TUSC3: variants seen among roughly 807,000 people sequenced by gnomAD.
The protein encoded by TUSC3 is tumor suppressor candidate 3, also known as dolichyl-diphosphooligosaccharide--protein glycosyltransferase subunit TUSC3.
A neutral mutation model predicts 44.8 loss-of-function variants in TUSC3; 45 were observed. The observed-to-expected ratio is 1.00, with a 90% confidence interval of 0.79 to 1.29. The LOEUF is 1.29. TUSC3 is among the 50% of genes most tolerant of loss of function. The pLI is 0.00. For synonymous variants in TUSC3, 212 were observed against 152.9 expected (o/e 1.39, Z -2.85); for missense variants, 519 against 437.9 (o/e 1.19, Z -1.65).
chr8:15,601,539 C>A (rs1465806426), intron 1 of TUSC3, among the ~76,000 whole-genome samples: 1 of 151,684 alleles, frequency 6.6e-6, no homozygotes, highest in Non-Finnish European at 1.5e-5. Flanking sequence ...AGTTAATAAG[C>A]TGGAGGCCAC....
At chr8:15,589,293 A>G (rs1484957237) in intron 1 of TUSC3, among the ~76,000 whole-genome samples, 4 of 152,146 alleles carry the variant, frequency 2.6e-5, no homozygotes, top group African/African-American at 9.6e-5. Context: ...TAATTGGGGA[A>G]TTTAAAACTA....
chr8:15,461,040 A>C (rs968358488), intron 1 of TUSC3, among the ~76,000 whole-genome samples: 1 of 151,882 alleles, frequency 6.6e-6, no homozygotes, highest in African/African-American at 2.4e-5. Context: ...TGAATTTTAG[A>C]ATTGTGTTTT....
chr8:15,531,795 C>T (rs572042937), intron 2 of TUSC3, among the ~76,000 whole-genome samples: 3 of 152,264 alleles, frequency 2.0e-5, no homozygotes, highest in Admixed American at 6.5e-5. Flanking sequence ...CTCAATTATA[C>T]GGTATACTTA....
At chr8:15,572,518 C>T (rs1410372415) in intron 1 of TUSC3, among the ~76,000 whole-genome samples, 1 of 152,154 alleles carries the variant, frequency 6.6e-6, no homozygotes, top group Admixed American at 6.5e-5. Context: ...TTGATGTGTT[C>T]ACTGGAGTAG....
At chr8:15,684,990 A>G (rs758405784) in intron 6 of TUSC3, among the ~76,000 whole-genome samples, 43 of 152,288 alleles carry the variant, frequency 2.8e-4, no homozygotes, top group South Asian at 1.7e-3. Flanking sequence ...TCCTGTGGCA[A>G]TGGTGGCCCT....
intron 1 of TUSC3, among the ~76,000 whole-genome samples, chr8:15,591,028 C>A (rs184226895): frequency 6.6e-6 from 1 of 152,198 alleles, no homozygotes; most frequent in African/African-American, 2.4e-5. Context: ...CTTTGCCATG[C>A]TGAGTTCTTT....
At chr8:15,718,121 A>T (rs949250224) in intron 6 of TUSC3, among the ~76,000 whole-genome samples, 7 of 152,132 alleles carry the variant, frequency 4.6e-5, no homozygotes, top group Admixed American at 1.3e-4. Context: ...TAAGTTTTCA[A>T]ATGTTTGTGA....
chr8:15,688,507 G>C (rs1808739728), intron 6 of TUSC3, among the ~76,000 whole-genome samples: 1 of 150,854 alleles, frequency 6.6e-6, no homozygotes, highest in Admixed American at 6.6e-5. Context: ...GTGTGTCACA[G>C]GGGTTTGATG....
At chr8:15,523,552 A>C (rs1057013555) in intron 2 of TUSC3, among the ~76,000 whole-genome samples, 38 of 151,270 alleles carry the variant, frequency 2.5e-4, no homozygotes, top group African/African-American at 9.3e-4. Context: ...ATAGCATGTT[A>C]AATAATTTTT....
intron 2 of TUSC3, among the ~76,000 whole-genome samples, chr8:15,648,090 C>T (rs529887412): frequency 6.6e-6 from 1 of 152,158 alleles, no homozygotes; most frequent in African/African-American, 2.4e-5. Context: ...TTCACCTCTC[C>T]TCTATTTCTG....
chr8:15,626,840 A>G (rs1034901018), intron 2 of TUSC3, among the ~76,000 whole-genome samples: 3 of 152,132 alleles, frequency 2.0e-5, no homozygotes, highest in Non-Finnish European at 1.5e-5. Flanking sequence ...GGGGGCCCTG[A>G]GGGAAGTCTG....
chr8:15,641,001 C>A (rs919420762), intron 2 of TUSC3, among the ~76,000 whole-genome samples: 2 of 152,104 alleles, frequency 1.3e-5, no homozygotes, highest in South Asian at 4.2e-4. Context: ...CTAGACATAC[C>A]TCTTTGCCAT....
chr8:15,497,353 C>G (rs749070465), intron 2 of TUSC3, among the ~76,000 whole-genome samples: 2 of 152,076 alleles, frequency 1.3e-5, no homozygotes, highest in South Asian at 2.1e-4. Flanking sequence ...TTAGGGTACC[C>G]AAATCTTTTA....
chr8:15,769,830 T>G (rs1346277238), downstream of TUSC3, among the ~76,000 whole-genome samples: 3 of 152,236 alleles, frequency 2.0e-5, no homozygotes, highest in Non-Finnish European at 1.5e-5. Context: ...TCATCATCAC[T>G]GGGCATTAGA....
At chr8:15,615,800 A>G (rs544548093) in intron 1 of TUSC3, among the ~76,000 whole-genome samples, 4 of 152,354 alleles carry the variant, frequency 2.6e-5, no homozygotes, top group East Asian at 1.9e-4. Context: ...ATACACTAAA[A>G]TACTACAAAA....
chr8:15,768,924 A>G (rs1812395418), downstream of TUSC3, among the ~76,000 whole-genome samples: 1 of 152,172 alleles, frequency 6.6e-6, no homozygotes, highest in Admixed American at 6.5e-5. Context: ...ACAAGGAAAT[A>G]AGAGAGGACA....
chr8:15,640,456 G>A (rs925087999), intron 2 of TUSC3, among the ~76,000 whole-genome samples: 4 of 152,304 alleles, frequency 2.6e-5, no homozygotes, highest in South Asian at 2.1e-4. Flanking sequence ...ACGTGGTGAT[G>A]GTACTGGGGA....
chr8:15,538,291 C>G (rs1377689882), upstream of TUSC3, among the ~76,000 whole-genome samples: 1 of 152,198 alleles, frequency 6.6e-6, no homozygotes, highest in Non-Finnish European at 1.5e-5. Flanking sequence ...CTGAACACTT[C>G]TGGTTCAGAG....
intron 2 of TUSC3, among the ~76,000 whole-genome samples, chr8:15,517,752 T>C (rs933085247): frequency 1.3e-5 from 2 of 152,080 alleles, no homozygotes; most frequent in Admixed American, 1.3e-4. Context: ...CTGGGCTTCA[T>C]GCTTTTTAAA....
Sources: allele counts gnomAD v4.1 joint callset (sites outside exome capture counted in the v4.1 genomes callset), GRCh38; gene constraint gnomAD v4.1.1; transcripts MANE v1.5; gene names NCBI Gene and HGNC (gene_info 2026-07-23, HGNC 2026-07-21).